NAALADL2: variants seen among roughly 807,000 people sequenced by gnomAD.
NAALADL2 encodes inactive N-acetylated-alpha-linked acidic dipeptidase-like protein 2.
In NAALADL2, 76 loss-of-function variants were observed where a neutral mutation model predicts 87.2. The observed-to-expected ratio is 0.87, with a 90% CI of 0.72 to 1.05. NAALADL2 has a LOEUF of 1.05. Among genes scored for constraint, NAALADL2 ranks in the 50% least tolerant of loss-of-function variants. The probability of loss-of-function intolerance (pLI) is 0.00; values close to 1 mark genes in which losing one functional copy is unlikely to be tolerated. For missense variants in NAALADL2, 1,089 were observed against 945.8 expected, an observed-to-expected ratio of 1.15 and a Z score of -1.99; for synonymous variants, 354 against 331.0, an observed-to-expected ratio of 1.07 and a Z score of -0.75.
At chr3:175,040,094 C>T (rs1322762719) in intron 1 of NAALADL2, among the ~76,000 whole-genome samples, 1 of 152,154 alleles carries the variant, frequency 6.6e-6, no homozygotes, top group Non-Finnish European at 1.5e-5. Context: ...AGTCTTGTGT[C>T]AATCTGTCTA....
intron 5 of NAALADL2, among the ~76,000 whole-genome samples, chr3:175,402,077 T>G (rs1698991971): frequency 6.6e-6 from 1 of 152,072 alleles, no homozygotes; most frequent in Admixed American, 6.6e-5. Flanking sequence ...TGATATGAAT[T>G]AATAGGTTGA....
intron 4 of NAALADL2, among the ~76,000 whole-genome samples, chr3:175,314,702 A>AAC (rs1560342196): frequency 6.4e-5 from 6 of 93,866 alleles, no homozygotes; most frequent in African/African-American, 2.1e-4. Flanking sequence ...ATATATATAT[A>AAC]TATATATATA....
chr3:175,094,935 A>T lies in NAALADL2; in HGVS notation c.44-1855A>T, dbSNP rs189312289. On this transcript the variant is annotated intron_variant, in intron 1 of 13. Coordinates refer to ENST00000454872, the MANE Select transcript of NAALADL2 (RefSeq NM_207015.3). Reference sequence around the variant, plus strand: ...ATACAGACTATCCACTACTCAATAGATGCTTTAGGTTTACTATGTGAATGC... The same window carrying T: ...ATACAGACTATCCACTACTCAATAGTTGCTTTAGGTTTACTATGTGAATGC... Among the ~76,000 whole-genome samples, 26 of 152,140 alleles carry T rather than the reference A, an allele frequency of 1.7e-4. No homozygotes were observed. The East Asian group carries it at 4.3e-3, about 25-fold the overall frequency.
At chr3:175,381,929 G>A (rs1024475645) in intron 5 of NAALADL2, among the ~76,000 whole-genome samples, 1 of 152,088 alleles carries the variant, frequency 6.6e-6, no homozygotes, top group Non-Finnish European at 1.5e-5. Context: ...TCTTTTGAAG[G>A]ATGGTTTTTG....
chr3:175,318,115 C>T (rs1759383210), intron 4 of NAALADL2, among the ~76,000 whole-genome samples: 1 of 151,828 alleles, frequency 6.6e-6, no homozygotes. Context: ...ACATGTATGC[C>T]TCTCTTTATA....
intron 1 of NAALADL2, among the ~76,000 whole-genome samples, chr3:174,994,514 T>C (rs139372114): frequency 2.0e-4 from 31 of 152,356 alleles, no homozygotes; most frequent in African/African-American, 7.5e-4. Context: ...AGGTACACAT[T>C]GATCACATTT....
At chr3:175,737,518 G>A in intron 12 of NAALADL2, 119 bp downstream of exon 12, 1 of 656,798 alleles carries the variant, frequency 1.5e-6, no homozygotes, top group East Asian at 2.8e-5. Flanking sequence ...GTGCTTCCTG[G>A]AGAGGCTGAT....
At position 174,838,202 on chromosome 3, in the gene NAALADL2, T is replaced by C. The variant is rs549452114; in HGVS notation, c.-9+100456T>C. 5.9e-5 allele frequency among the ~76,000 whole-genome samples: 9 copies of C among 152,158 alleles called. No homozygotes were observed. In the South Asian group the frequency reaches 1.7e-3, roughly 28 times the overall value. ...GGATGGTTTAACATATGCAAGTCAA[T>C]AAATGTGATACACCACATAAAGAGA... On this transcript the variant is annotated intron_variant, in intron 3 of 3. Transcript: ENST00000434257.
In NAALADL2 at chr3:174,916,032, A is replaced by T. The variant is rs546441791; in HGVS notation, c.43+56582A>T. ...AGGGACTGAAACAAATCAGCAAGAA[A>T]GTAATCCCATGAAAAATATGGGCAA... On this transcript the variant is annotated intron_variant, in intron 1 of 13. Transcript: ENST00000454872. Among the ~76,000 whole-genome samples the T allele has an allele frequency of 8.5e-4, 130 of 152,270 alleles. 1 individual carries two copies. Among genetic ancestry groups the T allele is most frequent in the Non-Finnish European group, 2.1e-4 (14 of 67,990 alleles).
intron 10 of NAALADL2, among the ~76,000 whole-genome samples, chr3:175,595,438 C>G (rs1722121085): frequency 6.6e-6 from 1 of 151,806 alleles, no homozygotes; most frequent in African/African-American, 2.4e-5. Context: ...GAAAATAAGT[C>G]AAAATATCTC....
At chr3:175,430,289 A>G (rs1227055622) in intron 5 of NAALADL2, among the ~76,000 whole-genome samples, 2 of 151,948 alleles carry the variant, frequency 1.3e-5, no homozygotes, top group African/African-American at 4.8e-5. Flanking sequence ...TAAGTTATAT[A>G]CGCATATGTG....
At chr3:174,732,132 G>T (rs1366148816) in intron 2 of NAALADL2, among the ~76,000 whole-genome samples, 1 of 152,038 alleles carries the variant, frequency 6.6e-6, no homozygotes, top group African/African-American at 2.4e-5. Flanking sequence ...CAAACCATCT[G>T]TATCTTATAT....
chr3:175,371,797 C>T (rs1766538329), intron 5 of NAALADL2, among the ~76,000 whole-genome samples: 1 of 151,106 alleles, frequency 6.6e-6, no homozygotes, highest in Admixed American at 6.6e-5. Flanking sequence ...GCCCTCCAGC[C>T]TGGACAACTC....
chr3:175,594,372 C>G (rs988108936), intron 10 of NAALADL2, among the ~76,000 whole-genome samples: 2 of 152,032 alleles, frequency 1.3e-5, no homozygotes, highest in African/African-American at 4.8e-5. Context: ...TATATATATA[C>G]CACATTTTCT....
At chr3:174,472,415 T>C (rs1281598298) in intron 1 of NAALADL2, among the ~76,000 whole-genome samples, 1 of 152,186 alleles carries the variant, frequency 6.6e-6, no homozygotes, top group African/African-American at 2.4e-5. Flanking sequence ...GAACAGTACT[T>C]GTCTTCAGAA....
chr3:175,469,951 T>C lies in NAALADL2; in HGVS notation c.1534-1688T>C, dbSNP rs1428361671. 5.9e-5 allele frequency among the ~76,000 whole-genome samples: 9 copies of C among 152,224 alleles called. No individual in the cohort carries two copies. In the East Asian group the frequency reaches 1.7e-3, roughly 29 times the overall value. ...TCAAGCTTAAAATTCATCATTTATGTGCGCTTAAAATGTTTACTAATTTTA... is the reference window on the plus strand; with the variant it reads ...TCAAGCTTAAAATTCATCATTTATGCGCGCTTAAAATGTTTACTAATTTTA... On this transcript the variant is annotated intron_variant, in intron 8 of 13. Coordinates refer to ENST00000454872, the MANE Select transcript of NAALADL2 (RefSeq NM_207015.3).
At chr3:174,534,258 C>T (rs1209265041) in intron 1 of NAALADL2, among the ~76,000 whole-genome samples, 1 of 151,878 alleles carries the variant, frequency 6.6e-6, no homozygotes, top group East Asian at 1.9e-4. Flanking sequence ...ACATTTTTAC[C>T]AGATGGTTTA....
intron 13 of NAALADL2, among the ~76,000 whole-genome samples, chr3:175,791,494 G>A (rs575671344): frequency 2.8e-4 from 42 of 152,238 alleles, no homozygotes; most frequent in African/African-American, 1.0e-3. Context: ...AAGACATTGG[G>A]ACAGTTCAAC....
intron 1 of NAALADL2, among the ~76,000 whole-genome samples, chr3:174,971,789 C>T (rs1743691997): frequency 6.6e-6 from 1 of 151,976 alleles, no homozygotes; most frequent in African/African-American, 2.4e-5. Context: ...CCTCTGCCTC[C>T]TGGTTTCAAG....
Sources: gnomAD v4.1 joint callset for allele counts (sites outside exome capture counted in the v4.1 genomes callset) on GRCh38, gnomAD v4.1.1 for gene constraint, MANE v1.5 for transcripts, NCBI Gene and HGNC (gene_info 2026-07-23, HGNC 2026-07-21) for gene names.